The following PCDH15 variants were observed in gnomAD, a reference collection of about 807,000 sequenced individuals.
PCDH15 encodes protocadherin-15.
Under a neutral mutation model 178.5 loss-of-function variants are expected in PCDH15, and 129 were observed. The observed-to-expected ratio is 0.72, with a 90% CI of 0.63 to 0.84. The LOEUF (loss-of-function observed/expected upper bound fraction) is 0.84. Among genes scored for constraint, PCDH15 ranks in the 40% least tolerant of loss-of-function variants. The pLI is 0.00. For synonymous variants in PCDH15, 800 were observed against 732.0 expected, an observed-to-expected ratio of 1.09 and a Z score of -1.50; for missense variants, 2,230 against 2,099.9, an observed-to-expected ratio of 1.06 and a Z score of -1.21.
At chr10:54,011,374 G>A (rs1485700221) in intron 20 of PCDH15, among the ~76,000 whole-genome samples, 1 of 152,108 alleles carries the variant, frequency 6.6e-6, no homozygotes, top group Non-Finnish European at 1.5e-5. Context: ...TATTTTTCTG[G>A]GGTGGAGCAC....
intron 3 of PCDH15, among the ~76,000 whole-genome samples, chr10:54,846,155 C>T (rs779690397): frequency 3.3e-5 from 5 of 152,096 alleles, no homozygotes; most frequent in Non-Finnish European, 5.9e-5. Flanking sequence ...AACTGCATCA[C>T]TAATACCACC....
At chr10:53,954,256 T>C in intron 23 of PCDH15, among the ~76,000 whole-genome samples, 1 of 152,242 alleles carries the variant, frequency 6.6e-6, no homozygotes, top group African/African-American at 2.4e-5. Flanking sequence ...TTTCCTTTAG[T>C]AAATATTAAA....
chr10:55,221,361 AT>A (rs1260775139), intron 1 of PCDH15, among the ~76,000 whole-genome samples: 3 of 152,150 alleles, frequency 2.0e-5, no homozygotes, highest in African/African-American at 7.2e-5. Flanking sequence ...TTTTACTGAT[AT>A]AAAAATATGT....
intron 7 of PCDH15, among the ~76,000 whole-genome samples, chr10:54,322,714 C>A (rs1190301842): frequency 6.6e-6 from 1 of 151,904 alleles, no homozygotes; most frequent in Non-Finnish European, 1.5e-5. Context: ...AAAATTGACT[C>A]AAGATGAATT....
At chr10:54,728,960 G>A (rs1942963628) in intron 1 of PCDH15, among the ~76,000 whole-genome samples, 1 of 151,494 alleles carries the variant, frequency 6.6e-6, no homozygotes. Flanking sequence ...CATGCTCATG[G>A]ATAACAAGAA....
intron 18 of PCDH15, among the ~76,000 whole-genome samples, chr10:54,064,472 T>G (rs1315682686): frequency 6.6e-5 from 10 of 152,150 alleles, no homozygotes; most frequent in African/African-American, 1.9e-4. Context: ...AAGGTGGGGC[T>G]TCACCAGGGA....
intron 18 of PCDH15, among the ~76,000 whole-genome samples, chr10:54,045,621 G>C (rs1041898934): frequency 6.6e-6 from 1 of 151,976 alleles, no homozygotes; most frequent in African/African-American, 2.4e-5. Context: ...ATGATAATAT[G>C]TATTGCGAGT....
chr10:54,820,317 T>G (rs1953017771), intron 3 of PCDH15, among the ~76,000 whole-genome samples: 1 of 152,034 alleles, frequency 6.6e-6, no homozygotes, highest in African/African-American at 2.4e-5. Context: ...TAAAGAAAGT[T>G]TCGTTTTTTA....
intron 2 of PCDH15, among the ~76,000 whole-genome samples, chr10:55,526,753 C>T (rs1841309758): frequency 6.6e-6 from 1 of 152,022 alleles, no homozygotes; most frequent in Admixed American, 6.6e-5. Context: ...TTCAAACTTG[C>T]CATTTCCTAA....
intron 1 of PCDH15, among the ~76,000 whole-genome samples, chr10:54,703,748 T>C (rs991156966): frequency 1.3e-5 from 2 of 151,922 alleles, no homozygotes; most frequent in African/African-American, 4.8e-5. Context: ...GGGAAAAACA[T>C]TCCATACTCA....
chr10:55,086,414 T>G (rs74136347), intron 2 of PCDH15, among the ~76,000 whole-genome samples: 21 of 152,196 alleles, frequency 1.4e-4, no homozygotes, highest in African/African-American at 4.6e-4. Context: ...AAGTAAATTA[T>G]CCATAGTCAA....
At chr10:54,874,844 T>G (rs536300793) in intron 3 of PCDH15, among the ~76,000 whole-genome samples, 2 of 152,308 alleles carry the variant, frequency 1.3e-5, no homozygotes, top group African/African-American at 2.4e-5. Flanking sequence ...TTTAATTTAT[T>G]CATATGATAC....
chr10:54,441,211 G>C (rs1891376), intron 3 of PCDH15, among the ~76,000 whole-genome samples: 73,321 of 151,670 alleles, frequency 0.48, 18,721 homozygotes, highest in Non-Finnish European at 0.57. Context: ...TTTTCTCATT[G>C]ATGAATCACT....
At chr10:54,059,147 T>C (rs891737610) in intron 18 of PCDH15, among the ~76,000 whole-genome samples, 26 of 152,212 alleles carry the variant, frequency 1.7e-4, no homozygotes, top group African/African-American at 6.0e-4. Context: ...AGTGAGGACA[T>C]GTGATATTTG....
chr10:54,548,276 C>T (rs901344152), intron 2 of PCDH15, among the ~76,000 whole-genome samples: 5 of 147,912 alleles, frequency 3.4e-5, no homozygotes, highest in African/African-American at 1.2e-4. Context: ...CTTTACTGAT[C>T]ATAGAGACAT....
intron 3 of PCDH15, among the ~76,000 whole-genome samples, chr10:54,494,082 G>T (rs1589703515): frequency 7.1e-6 from 1 of 139,956 alleles, no homozygotes; most frequent in Non-Finnish European, 1.5e-5. Flanking sequence ...TCTGGGGATT[G>T]TTGTGGGGTA....
intron 1 of PCDH15, among the ~76,000 whole-genome samples, chr10:55,209,736 A>T (rs1363280910): frequency 6.6e-6 from 1 of 152,084 alleles, no homozygotes; most frequent in Non-Finnish European, 1.5e-5. Flanking sequence ...GAGAGATTAT[A>T]AATTATGTTT....
Position 55,449,150 on chromosome 10 carries a change from A to C in PCDH15, c.-156+178475T>G, listed in dbSNP as rs1331023290. ...TAATTCTAAATATTTTTAAGTATAG[A>C]GACAATCTCAAAAATGTCACCAATC... On this transcript the variant is annotated intron_variant, in intron 2 of 5. Transcript: ENST00000613346. 2.6e-5 allele frequency among the ~76,000 whole-genome samples: 4 copies of C among 152,078 alleles called. No individual in the cohort carries two copies. In the East Asian group the frequency reaches 7.7e-4, roughly 29 times the overall value.
At chr10:55,520,168 T>C (rs1314285529) in intron 2 of PCDH15, among the ~76,000 whole-genome samples, 6 of 87,442 alleles carry the variant, frequency 6.9e-5, no homozygotes, top group African/African-American at 2.7e-4. Context: ...TGTGTATATA[T>C]ATATACACGC....
Sources: gnomAD v4.1 joint callset for allele counts (sites outside exome capture counted in the v4.1 genomes callset) on GRCh38, gnomAD v4.1.1 for gene constraint, MANE v1.5 for transcripts, NCBI Gene and HGNC (gene_info 2026-07-23, HGNC 2026-07-21) for gene names.